Variants in TEKT5 observed in about 807,000 individuals in gnomAD.
TEKT5 encodes the protein tektin-5.
TEKT5 carries 52 observed loss-of-function variants against 48.7 expected under a neutral mutation model. That is an observed-to-expected ratio of 1.07 (90% CI 0.86 to 1.35). TEKT5 has a LOEUF of 1.35. Among genes scored for constraint, TEKT5 ranks in the 40% most tolerant of loss-of-function variants. TEKT5 has a pLI of 0.00. For missense variants in TEKT5, 831 were observed against 641.6 expected (o/e 1.30, Z -3.19); for synonymous variants, 318 against 267.6 (o/e 1.19, Z -1.84).
chr16:10,628,003 C>T (rs1430642391), intron 6 of TEKT5, among the ~76,000 whole-genome samples: 1 of 144,486 alleles, frequency 6.9e-6, no homozygotes, highest in Admixed American at 7.1e-5. Context: ...CAACACCCAG[C>T]TAATTTTTGT....
intron 5 of TEKT5, among the ~76,000 whole-genome samples, chr16:10,663,551 A>T (rs1023258791): frequency 1.3e-5 from 2 of 152,202 alleles, no homozygotes; most frequent in Admixed American, 6.5e-5. Context: ...CAAATTCAGG[A>T]GCAAGGAGAG....
chr16:10,656,312 C>T (rs1276188392), intron 5 of TEKT5, among the ~76,000 whole-genome samples: 2 of 152,190 alleles, frequency 1.3e-5, no homozygotes, highest in African/African-American at 4.8e-5. Flanking sequence ...AATGCAGTGG[C>T]GTGATGTCAG....
chr16:10,682,387 G>T (rs552095310), intron 3 of TEKT5, among the ~76,000 whole-genome samples: 1 of 151,998 alleles, frequency 6.6e-6, no homozygotes, highest in Non-Finnish European at 1.5e-5. Flanking sequence ...GAGTGCAGTG[G>T]TGCAGTCATG....
intron 5 of TEKT5, among the ~76,000 whole-genome samples, chr16:10,644,148 G>A (rs557843434): frequency 6.6e-6 from 1 of 152,204 alleles, no homozygotes; most frequent in Non-Finnish European, 1.5e-5. Context: ...TATTTCTAAT[G>A]GATGGCACTA....
intron 5 of TEKT5, among the ~76,000 whole-genome samples, chr16:10,639,813 G>T (rs1212841684): frequency 6.6e-6 from 1 of 152,146 alleles, no homozygotes; most frequent in Non-Finnish European, 1.5e-5. Flanking sequence ...CCCAATCAGA[G>T]TGTGAGCCAC....
chr16:10,691,767 T>C (rs1898982165), intron 1 of TEKT5, among the ~76,000 whole-genome samples: 1 of 151,892 alleles, frequency 6.6e-6, no homozygotes. Flanking sequence ...GCTAACACGG[T>C]GAAACCCTAT....
At chr16:10,661,488 G>T (rs912643881) in intron 5 of TEKT5, among the ~76,000 whole-genome samples, 1 of 152,160 alleles carries the variant, frequency 6.6e-6, no homozygotes, top group Non-Finnish European at 1.5e-5. Context: ...GCAAGAGAAA[G>T]ACATGATTAT....
chr16:10,694,272 G>C (rs2251985), intron 1 of TEKT5, 38 bp downstream of exon 1: 2 of 1,517,842 alleles, frequency 1.3e-6, no homozygotes, highest in Non-Finnish European at 1.8e-6. Context: ...AGTATCCCCA[G>C]GACACAGCCA....
intron 5 of TEKT5, among the ~76,000 whole-genome samples, chr16:10,669,004 G>A (rs1364159666): frequency 6.6e-6 from 1 of 152,138 alleles, no homozygotes; most frequent in East Asian, 1.9e-4. Context: ...AATTGCTAGA[G>A]CTACTAATTT....
Position 10,694,504 on chromosome 16 carries a change from G to A in TEKT5, c.370C>T (p.Gln124Ter), listed in dbSNP as rs755907836. The change falls in exon 1 of 7, where the codon CAG becomes TAG. Residue 124 changes from glutamine to a stop codon, truncating the protein, a stop_gained. Coordinates refer to ENST00000283025, the MANE Select transcript of TEKT5 (RefSeq NM_144674.2). LOFTEE classifies it high-confidence loss of function. The part of the protein sequence containing the change: ...RLTDDSMRLL[Q>*]DKDQLTHQMQ... ...TGGTGCGTCAGCTGGTCCTTGTCCT[G>A]CAAGAGCCTCATGGAGTCATCCGTC... 8 of 1,612,730 alleles carry A rather than the reference G, an allele frequency of 5.0e-6. No homozygotes were observed. Among genetic ancestry groups the A allele is most frequent in the Non-Finnish European group, 6.8e-6 (8 of 1,179,388 alleles).
rs111947243 is a variant in TEKT5 at position 10,635,674 on chromosome 16, C to T, written c.1241+90G>A. 5.7e-4 allele frequency: 879 copies of T among 1,531,196 alleles called. 10 individuals are homozygous for T. The African/African-American group carries it at 0.011, about 18-fold the overall frequency. 94.9% of individuals were successfully genotyped at this position (1,531,196 alleles called of 1,614,324 possible). ...ATTGAAGGAGGGTCCATTTTTCAGACCCAGTGCACCTAGAAGCTCCTGAGA... is the reference window on the plus strand; with the variant it reads ...ATTGAAGGAGGGTCCATTTTTCAGATCCAGTGCACCTAGAAGCTCCTGAGA... On this transcript the variant is annotated intron_variant, in intron 6 of 6. Coordinates refer to ENST00000283025, the MANE Select transcript of TEKT5 (RefSeq NM_144674.2).
intron 6 of TEKT5, among the ~76,000 whole-genome samples, chr16:10,628,820 C>T (rs1212153663): frequency 6.6e-6 from 1 of 150,938 alleles, no homozygotes; most frequent in Non-Finnish European, 1.5e-5. Context: ...GTGGGAGAAG[C>T]TCTTGAACCC....
intron 1 of TEKT5, chr16:10,690,488 C>T: frequency 2.4e-6 from 2 of 836,482 alleles, no homozygotes; most frequent in Non-Finnish European, 1.4e-6. Context: ...CTGCTGGTTT[C>T]CTCCTCTGCA....
chr16:10,628,471 T>C lies in TEKT5; in HGVS notation c.1242-672A>G, dbSNP rs1897788106. Among the ~76,000 whole-genome samples, 5 of 152,282 alleles carry C rather than the reference T, an allele frequency of 3.3e-5. No individual in the cohort carries two copies. In the South Asian group the frequency reaches 1.0e-3, roughly 32 times the overall value. The stretch of plus-strand genomic sequence containing the variant: ...GAAAACAGGCGTTCAAACCAAAATA[T>C]GTACATGAATGTTCACGGCAGCCCT... On this transcript the variant is annotated intron_variant, in intron 6 of 6. Transcript: ENST00000283025.
intron 5 of TEKT5, among the ~76,000 whole-genome samples, chr16:10,648,412 G>C (rs912515073): frequency 2.0e-5 from 3 of 151,992 alleles, no homozygotes; most frequent in African/African-American, 4.8e-5. Flanking sequence ...CCGCCTCCCA[G>C]GGTCAAGTGA....
chr16:10,677,112 GC>G (rs1898660842), intron 4 of TEKT5, among the ~76,000 whole-genome samples: 1 of 152,130 alleles, frequency 6.6e-6, no homozygotes, highest in Non-Finnish European at 1.5e-5. Flanking sequence ...GATCGCTTGA[GC>G]CCAGGAGTCC....
In TEKT5 at chr16:10,694,493, G is replaced by T; in HGVS notation, c.381C>A (p.Asp127Glu). 1 of 1,613,484 alleles carries T rather than the reference G, an allele frequency of 6.2e-7. No individual in the cohort carries two copies. The highest frequency in any genetic ancestry group is 8.5e-7 in the Non-Finnish European group (1 of 1,179,744). The change falls in exon 1 of 7, where the codon GAC (aspartate) becomes GAA (glutamate). Residue 127 changes from aspartate (D) to glutamate (E), a missense_variant. Asp to Glu is a conservative substitution (Grantham distance 45). Coordinates refer to ENST00000283025, the MANE Select transcript of TEKT5 (RefSeq NM_144674.2). ...DDSMRLLQDKDQLTHQMQEGT... is the reference protein window; with the variant it reads ...DDSMRLLQDKEQLTHQMQEGT... Reference sequence around the variant, plus strand: ...CCTCCTGCATCTGGTGCGTCAGCTGGTCCTTGTCCTGCAAGAGCCTCATGG... The same window carrying T: ...CCTCCTGCATCTGGTGCGTCAGCTGTTCCTTGTCCTGCAAGAGCCTCATGG...
chr16:10,678,858 T>G lies in TEKT5; in HGVS notation c.864-2677A>C, dbSNP rs550521969. Among the ~76,000 whole-genome samples the G allele has an allele frequency of 1.6e-4, 25 of 152,328 alleles. No individual in the cohort carries two copies. The South Asian group carries it at 4.1e-3, about 25-fold the overall frequency. On this transcript the variant is annotated intron_variant, in intron 4 of 6. Coordinates refer to ENST00000283025, the MANE Select transcript of TEKT5 (RefSeq NM_144674.2). The stretch of plus-strand genomic sequence containing the variant: ...GGGGAGGAATTTGCCAAAGACAGTC[T>G]GCCTCCTCAGCAGGCAGTGTGTCTC...
chr16:10,635,165 TTACAATCCCCACCCC>T (rs1897895994), intron 6 of TEKT5, among the ~76,000 whole-genome samples: 1 of 146,858 alleles, frequency 6.8e-6, no homozygotes, highest in African/African-American at 2.5e-5. Flanking sequence ...CATCATCCTA[TTACAATCCCCACCCC>T]CCACCCCCCA....
Sources: gnomAD v4.1 joint callset for allele counts (sites outside exome capture counted in the v4.1 genomes callset) on GRCh38, gnomAD v4.1.1 for gene constraint, MANE v1.5 for transcripts, NCBI Gene and HGNC (gene_info 2026-07-23, HGNC 2026-07-21) for gene names.